Variants in PRIM2 observed in about 807,000 individuals in gnomAD.
PRIM2 encodes DNA primase subunit 2.
PRIM2 carries 39 observed loss-of-function variants against 67.3 expected under a neutral mutation model. That is an observed-to-expected ratio of 0.58 (90% CI 0.45 to 0.76). The LOEUF is 0.76. PRIM2 is among the 30% of genes least tolerant of loss of function. The pLI is 0.00. For synonymous variants in PRIM2, 143 were observed against 198.7 expected (o/e 0.72, Z 2.36); for missense variants, 398 against 598.7 (o/e 0.66, Z 3.50).
At chr6:57,439,498 C>G (rs753636789) in intron 7 of PRIM2, among the ~76,000 whole-genome samples, 1 of 127,446 alleles carries the variant, frequency 7.8e-6, no homozygotes, top group South Asian at 2.8e-4. Context: ...TCACTGCAAA[C>G]TTTGCCTTCT....
At chr6:57,227,656 A>G in the PRIM2 span, among the ~76,000 whole-genome samples, 1 of 151,946 alleles carries the variant, frequency 6.6e-6, no homozygotes, top group African/African-American at 2.4e-5. Context: ...AAAAAAAAAA[A>G]AAAAAAGAAT....
chr6:57,329,418 T>C (rs1437278784), intron 5 of PRIM2, among the ~76,000 whole-genome samples: 1 of 152,190 alleles, frequency 6.6e-6, no homozygotes, highest in African/African-American at 2.4e-5. Context: ...CATTGAATTG[T>C]CTTGGCACAC....
At position 57,319,373 on chromosome 6, in the gene PRIM2, G is replaced by A. The variant is rs569309934; in HGVS notation, c.154+774G>A. ...AGAGTTTATGTTCCAGGATATCCCT[G>A]TGGGGAAATCAGAAGGAAAGGTGAG... is the stretch of plus-strand genomic sequence containing the variant. On this transcript the variant is annotated intron_variant, in intron 2 of 13. Coordinates refer to ENST00000615550, the MANE Select transcript of PRIM2 (RefSeq NM_000947.5). 7.2e-5 allele frequency among the ~76,000 whole-genome samples: 11 copies of A among 152,378 alleles called. No homozygotes were observed. The South Asian group carries it at 2.3e-3, about 32-fold the overall frequency.
At chr6:57,373,526 C>T (rs1469225725) in intron 5 of PRIM2, among the ~76,000 whole-genome samples, 1 of 152,002 alleles carries the variant, frequency 6.6e-6, no homozygotes, top group African/African-American at 2.4e-5. Context: ...GAAATCTTTG[C>T]CTGTGCTTAT....
At chr6:57,535,290 A>C (rs1639805676) in intron 9 of PRIM2, among the ~76,000 whole-genome samples, 1 of 152,050 alleles carries the variant, frequency 6.6e-6, no homozygotes, top group African/African-American at 2.4e-5. Flanking sequence ...TGGTCATGGG[A>C]TATTGAATAA....
At chr6:57,335,451 T>A (rs1702289625) in intron 5 of PRIM2, among the ~76,000 whole-genome samples, 1 of 152,044 alleles carries the variant, frequency 6.6e-6, no homozygotes, top group African/African-American at 2.4e-5. Context: ...TCTGCAGACT[T>A]AAACGTCCCT....
chr6:57,425,298 C>T (rs1327743099), intron 7 of PRIM2, among the ~76,000 whole-genome samples: 11 of 152,016 alleles, frequency 7.2e-5, no homozygotes, highest in African/African-American at 1.2e-4. Context: ...AGTGCAGTGG[C>T]GCGATCTTGG....
At chr6:57,239,487 C>A in the PRIM2 span, among the ~76,000 whole-genome samples, 1 of 152,092 alleles carries the variant, frequency 6.6e-6, no homozygotes, top group Non-Finnish European at 1.5e-5. Flanking sequence ...ATAATTTCAG[C>A]ACTTTGGGAG....
intron 10 of PRIM2, among the ~76,000 whole-genome samples, chr6:57,577,828 G>T (rs1775991295): frequency 6.6e-6 from 1 of 152,144 alleles, no homozygotes; most frequent in Non-Finnish European, 1.5e-5. Context: ...CCTAATATTA[G>T]CATCTTGCAC....
At chr6:57,479,197 T>TA (rs1331479900) in intron 7 of PRIM2, among the ~76,000 whole-genome samples, 3 of 152,204 alleles carry the variant, frequency 2.0e-5, no homozygotes, top group Non-Finnish European at 2.9e-5. Context: ...TTTGAGTCAC[T>TA]AAAAACGGAA....
chr6:57,446,607 G>T (rs1244175829), intron 7 of PRIM2, among the ~76,000 whole-genome samples: 2 of 151,780 alleles, frequency 1.3e-5, no homozygotes, highest in Admixed American at 1.3e-4. Context: ...AGAAAACAAG[G>T]TGGATAGGTG....
intron 7 of PRIM2, among the ~76,000 whole-genome samples, chr6:57,496,577 C>T (rs1554346404): frequency 6.6e-6 from 1 of 152,022 alleles, no homozygotes; most frequent in Non-Finnish European, 1.5e-5. Flanking sequence ...TTCATGCTTA[C>T]AATAAACAGT....
At chr6:57,351,574 A>G (rs895959373) in intron 5 of PRIM2, among the ~76,000 whole-genome samples, 2 of 152,186 alleles carry the variant, frequency 1.3e-5, no homozygotes, top group African/African-American at 4.8e-5. Flanking sequence ...TGGAATGTGC[A>G]GTGAAGATGA....
At chr6:57,312,613 T>A (rs1290832382), upstream of PRIM2, among the ~76,000 whole-genome samples, 1 of 152,222 alleles carries the variant, frequency 6.6e-6, no homozygotes, top group African/African-American at 2.4e-5. Context: ...AAAAAAAGTT[T>A]AAAATATACA....
chr6:57,439,541 G>A (rs112723149), intron 7 of PRIM2, among the ~76,000 whole-genome samples: 3 of 146,926 alleles, frequency 2.0e-5, no homozygotes, highest in Non-Finnish European at 4.5e-5. Context: ...TCAGCCTCCC[G>A]AGTAGCTGAG....
At chr6:57,274,102 C>T in the PRIM2 span, among the ~76,000 whole-genome samples, 7 of 152,236 alleles carry the variant, frequency 4.6e-5, no homozygotes, top group Admixed American at 6.5e-5. Context: ...GCAGTCTGCC[C>T]GTTCTCAGAT....
chr6:57,490,138 G>GA (rs1282451263), intron 7 of PRIM2, among the ~76,000 whole-genome samples: 16 of 152,276 alleles, frequency 1.1e-4, no homozygotes, highest in East Asian at 9.7e-4. Context: ...GGAGCATGCA[G>GA]ATTATACCCT....
At chr6:57,328,109 C>G (rs918917193) in intron 5 of PRIM2, among the ~76,000 whole-genome samples, 1 of 152,140 alleles carries the variant, frequency 6.6e-6, no homozygotes, top group East Asian at 1.9e-4. Context: ...GGGCCATGTG[C>G]TGGTGCTGGT....
chr6:57,303,370 G>T, the PRIM2 span, among the ~76,000 whole-genome samples: 4 of 151,920 alleles, frequency 2.6e-5, no homozygotes, highest in African/African-American at 9.7e-5. Flanking sequence ...TTTTAAAAAT[G>T]ATTTTGTTTT....
Sources: gnomAD v4.1 joint callset for allele counts (sites outside exome capture counted in the v4.1 genomes callset) on GRCh38, gnomAD v4.1.1 for gene constraint, MANE v1.5 for transcripts, NCBI Gene and HGNC (gene_info 2026-07-23, HGNC 2026-07-21) for gene names.